The following UTRN variants were observed in gnomAD, a reference collection of about 807,000 sequenced individuals.
The protein encoded by UTRN is dystrophin-related protein 1.
Under a neutral mutation model 463.9 loss-of-function variants are expected in UTRN, and 283 were observed. That is an observed-to-expected ratio of 0.61 (90% CI 0.55 to 0.67). UTRN has a LOEUF of 0.67. Ranked by LOEUF, UTRN falls within the 30% of genes least tolerant of loss-of-function variation. The pLI, the probability that UTRN is intolerant of heterozygous loss-of-function variation, is 0.00. For missense variants in UTRN, 3,922 were observed against 4,084.3 expected (o/e 0.96, Z 1.08); for synonymous variants, 1,442 against 1,431.5 (o/e 1.01, Z -0.17).
chr6:144,656,624 T>C (rs1261494374), intron 51 of UTRN, among the ~76,000 whole-genome samples: 1 of 152,218 alleles, frequency 6.6e-6, no homozygotes, highest in African/African-American at 2.4e-5. Flanking sequence ...AAATTCATGA[T>C]GAAATGTGCT....
intron 2 of UTRN, among the ~76,000 whole-genome samples, chr6:144,318,695 C>G (rs904194863): frequency 1.4e-4 from 21 of 152,176 alleles, no homozygotes. Flanking sequence ...AACTGCTGAC[C>G]TCAAGTGATC....
chr6:144,350,467 A>C (rs1778017757), intron 2 of UTRN, among the ~76,000 whole-genome samples: 2 of 152,314 alleles, frequency 1.3e-5, no homozygotes, highest in South Asian at 4.1e-4. Flanking sequence ...ATCCCACTTA[A>C]AACATTATTA....
chr6:144,331,275 G>C (rs1776314073), intron 2 of UTRN, among the ~76,000 whole-genome samples: 2 of 152,112 alleles, frequency 1.3e-5, no homozygotes. Flanking sequence ...GATTTATTTT[G>C]CTTACTAACC....
At chr6:144,533,002 A>G (rs959975158) in intron 42 of UTRN, 83 bp from the exon 43 acceptor site, 1 of 670,862 alleles carries the variant, frequency 1.5e-6, no homozygotes, top group African/African-American at 1.8e-5. Flanking sequence ...ACTTAAATTG[A>G]TACCACAATA....
At chr6:144,777,394 A>G (rs1261228195) in intron 60 of UTRN, among the ~76,000 whole-genome samples, 2 of 152,254 alleles carry the variant, frequency 1.3e-5, no homozygotes, top group Non-Finnish European at 2.9e-5. Context: ...TTCCATTTAT[A>G]TGTAGTTCAA....
At chr6:144,601,515 A>G (rs976387046) in intron 51 of UTRN, among the ~76,000 whole-genome samples, 1 of 152,204 alleles carries the variant, frequency 6.6e-6, no homozygotes, top group African/African-American at 2.4e-5. Context: ...GTGGAGCCTG[A>G]GGATGGGAAT....
intron 51 of UTRN, among the ~76,000 whole-genome samples, chr6:144,621,107 A>C (rs1337636048): frequency 6.6e-6 from 1 of 152,198 alleles, no homozygotes; most frequent in Non-Finnish European, 1.5e-5. Flanking sequence ...AAATGAGAGT[A>C]ATTAATGGTG....
chr6:144,288,566 A>C (rs577243718), intron 1 of UTRN, among the ~76,000 whole-genome samples: 18 of 149,666 alleles, frequency 1.2e-4, no homozygotes, highest in African/African-American at 4.6e-4. Context: ...TCTTGAATAT[A>C]ATAAAATACA....
At chr6:144,733,483 T>TG (rs1788999517) in intron 54 of UTRN, among the ~76,000 whole-genome samples, 1 of 141,182 alleles carries the variant, frequency 7.1e-6, no homozygotes, top group African/African-American at 2.6e-5. Flanking sequence ...CAACCCAGCC[T>TG]GGTGACAGAG....
chr6:144,802,173 A>G (rs1008486300), intron 64 of UTRN, among the ~76,000 whole-genome samples: 1 of 152,214 alleles, frequency 6.6e-6, no homozygotes, highest in Non-Finnish European at 1.5e-5. Flanking sequence ...AGCCATGCTG[A>G]TAAGCCAAGA....
At chr6:144,565,330 A>G (rs1193352504) in intron 50 of UTRN, among the ~76,000 whole-genome samples, 2 of 152,148 alleles carry the variant, frequency 1.3e-5, no homozygotes, top group Non-Finnish European at 2.9e-5. Flanking sequence ...TATAGGTTAA[A>G]TAGGCAATTA....
At chr6:144,326,829 C>T (rs1324658951) in intron 2 of UTRN, among the ~76,000 whole-genome samples, 1 of 152,140 alleles carries the variant, frequency 6.6e-6, no homozygotes, top group African/African-American at 2.4e-5. Context: ...GTTATTTTCC[C>T]CTATCCCTGA....
chr6:144,573,908 A>G (rs1476111683), intron 50 of UTRN, among the ~76,000 whole-genome samples: 1 of 152,156 alleles, frequency 6.6e-6, no homozygotes, highest in African/African-American at 2.4e-5. Flanking sequence ...GCCTTTTTCC[A>G]GGATTCATGT....
At chr6:144,755,412 C>T (rs1453008670) in intron 57 of UTRN, among the ~76,000 whole-genome samples, 1 of 152,148 alleles carries the variant, frequency 6.6e-6, no homozygotes. Flanking sequence ...TCTACTTTAT[C>T]ATTCACTAGT....
intron 66 of UTRN, among the ~76,000 whole-genome samples, chr6:144,821,592 A>T (rs1193398221): frequency 6.6e-6 from 1 of 152,102 alleles, no homozygotes; most frequent in East Asian, 1.9e-4. Context: ...TTCAAAGTGT[A>T]TAATTTGAGT....
intron 53 of UTRN, among the ~76,000 whole-genome samples, chr6:144,724,889 C>T (rs1183869318): frequency 2.0e-5 from 3 of 152,208 alleles, no homozygotes; most frequent in African/African-American, 4.8e-5. Context: ...AATAAGGCTA[C>T]TATAAACATT....
intron 50 of UTRN, among the ~76,000 whole-genome samples, chr6:144,570,535 A>G (rs764407331): frequency 2.6e-5 from 4 of 152,204 alleles, no homozygotes; most frequent in Non-Finnish European, 5.9e-5. Context: ...TTTTACTTAT[A>G]TAACCAACAA....
chr6:144,721,189 C>T (rs542126923), intron 53 of UTRN, among the ~76,000 whole-genome samples: 3 of 152,086 alleles, frequency 2.0e-5, no homozygotes, highest in Non-Finnish European at 4.4e-5. Flanking sequence ...ACTTCTAAAA[C>T]ATGATTTCAG....
chr6:144,825,090 AC>A (rs1253260881), intron 66 of UTRN, among the ~76,000 whole-genome samples: 1 of 152,060 alleles, frequency 6.6e-6, no homozygotes, highest in Non-Finnish European at 1.5e-5. Context: ...GGCCTGTGTT[AC>A]ATTTTACATG....
Sources: allele counts gnomAD v4.1 joint callset (sites outside exome capture counted in the v4.1 genomes callset), GRCh38; gene constraint gnomAD v4.1.1; transcripts MANE v1.5; gene names NCBI Gene and HGNC (gene_info 2026-07-23, HGNC 2026-07-21).